Variants in FNDC3A observed in about 807,000 individuals in gnomAD.
The protein encoded by FNDC3A is fibronectin type III domain containing 3A.
A neutral mutation model predicts 148.9 loss-of-function variants in FNDC3A; 32 were observed. That is an observed-to-expected ratio of 0.21 (90% CI 0.16 to 0.29). The LOEUF is 0.29. FNDC3A is among the 10% of genes least tolerant of loss of function. The pLI, the probability that FNDC3A is intolerant of heterozygous loss-of-function variation, is 1.00. For missense variants in FNDC3A, 1,191 were observed against 1,452.8 expected (o/e 0.82, Z 2.93); for synonymous variants, 472 against 473.6 (o/e 1.00, Z 0.04).
intron 8 of FNDC3A, among the ~76,000 whole-genome samples, chr13:49,160,576 G>A (rs1884037179): frequency 2.0e-5 from 3 of 151,816 alleles, no homozygotes; most frequent in African/African-American, 7.3e-5. Context: ...CCAGCTCCTG[G>A]ATTCATTAAT....
intron 6 of FNDC3A, 36 bp from the exon 7 acceptor site, chr13:49,138,711 T>C (rs751785874): frequency 3.7e-6 from 4 of 1,071,162 alleles, no homozygotes; most frequent in Non-Finnish European, 5.4e-6. Flanking sequence ...ATCTAAGTTC[T>C]TTTTTTTAAA....
chr13:49,165,764 A>C (rs758219840), intron 8 of FNDC3A, among the ~76,000 whole-genome samples: 1 of 152,156 alleles, frequency 6.6e-6, no homozygotes, highest in African/African-American at 2.4e-5. Flanking sequence ...TAGCAATGGC[A>C]GGACTAACCT....
intron 2 of FNDC3A, among the ~76,000 whole-genome samples, chr13:49,025,554 G>A (rs763430253): frequency 6.6e-6 from 1 of 152,026 alleles, no homozygotes; most frequent in Non-Finnish European, 1.5e-5. Flanking sequence ...GGCATTTACA[G>A]CTAAAACAGC....
chr13:48,988,995 T>A (rs1951857694), intron 1 of FNDC3A, among the ~76,000 whole-genome samples: 1 of 152,168 alleles, frequency 6.6e-6, no homozygotes, highest in Non-Finnish European at 1.5e-5. Flanking sequence ...CTAAAAAGAT[T>A]GTATATAGAA....
chr13:49,164,397 A>T (rs2138034396), intron 8 of FNDC3A, among the ~76,000 whole-genome samples: 1 of 152,196 alleles, frequency 6.6e-6, no homozygotes, highest in Middle Eastern at 3.4e-3. Flanking sequence ...TTGTATCTAT[A>T]TCTGTTTCAT....
At chr13:49,178,142 TC>T (rs1885122959) in intron 13 of FNDC3A, among the ~76,000 whole-genome samples, 1 of 152,196 alleles carries the variant, frequency 6.6e-6, no homozygotes, top group Admixed American at 6.5e-5. Flanking sequence ...AATTAACCCT[TC>T]AATTATTTAC....
At position 49,168,608 on chromosome 13, in the gene FNDC3A, C is replaced by T; in HGVS notation, c.1038-5C>T. 1 of 1,603,382 alleles carries T rather than the reference C, an allele frequency of 6.2e-7. No individual in the cohort carries two copies. The highest frequency in any genetic ancestry group is 8.5e-7 in the Non-Finnish European group (1 of 1,171,098). On this transcript the variant is annotated splice_region_variant and splice_polypyrimidine_tract_variant and intron_variant, in intron 9 of 25. Transcript: ENST00000492622. Reference sequence around the variant, plus strand: ...AAGGTAAAACTATTTATTTTATCACCATAGAGTCCAGGCAGAATATAATTC... The same window carrying T: ...AAGGTAAAACTATTTATTTTATCACTATAGAGTCCAGGCAGAATATAATTC...
rs1469860336 is a variant in FNDC3A at position 49,131,240 on chromosome 13, T to C, written c.356T>C (p.Leu119Pro). Reference protein sequence around the residue: ...TVLHRSPHPPLPGFIPVPTMM... With the variant: ...TVLHRSPHPPPPGFIPVPTMM... ...CTCCACCGTTCTCCACATCCTCCTC[T>C]ACCTGGTTTCATTCCTGTCCCAACT... Residue 119 changes from leucine to proline, a missense_variant, in exon 5 of 26, where the codon CTA becomes CCA. This residue lies in a region of FNDC3A where 426 missense variants were observed against 473.2 expected (regional missense o/e 0.90). Transcript: ENST00000492622. 1 of 1,614,062 alleles carries C rather than the reference T, an allele frequency of 6.2e-7. No homozygotes were observed. Among genetic ancestry groups the C allele is most frequent in the South Asian group, 1.1e-5 (1 of 91,080 alleles).
chr13:49,048,463 G>A (rs1205244181), intron 2 of FNDC3A, among the ~76,000 whole-genome samples: 3 of 152,032 alleles, frequency 2.0e-5, no homozygotes, highest in African/African-American at 7.2e-5. Flanking sequence ...AGCATGGGAT[G>A]TGTTTCTATT....
intron 4 of FNDC3A, among the ~76,000 whole-genome samples, chr13:49,115,557 C>G (rs1445154729): frequency 6.6e-6 from 1 of 152,092 alleles, no homozygotes; most frequent in Non-Finnish European, 1.5e-5. Flanking sequence ...AAAAGAAGAG[C>G]GTGCTGGGAA....
chr13:49,196,971 G>A lies in FNDC3A; in HGVS notation c.2321G>A (p.Cys774Tyr), dbSNP rs781227945. Residue 774 changes from cysteine (C) to tyrosine (Y), a missense_variant, in exon 20 of 26, where the codon TGT becomes TAT. Physicochemically the swap from Cys to Tyr is radical, Grantham distance 194. Around this residue, in one of 3 missense-constraint regions of FNDC3A, gnomAD observed 751 missense variants for 944.0 expected, o/e 0.80. Transcript: ENST00000492622. Reference protein sequence around the residue: ...PPQVTCRSATCAQVNWEVPLS... With the variant: ...PPQVTCRSATYAQVNWEVPLS... ...CAAGTGACATGTAGATCTGCAACTT[G>A]TGCACAAGTGAATTGGGAGGTATTG... 5.0e-6 allele frequency: 8 copies of A among 1,607,872 alleles called. No individual in the cohort carries two copies. In the South Asian group the frequency reaches 8.8e-5, roughly 18 times the overall value.
chr13:49,183,832 C>CTCATA (rs1885427928), intron 14 of FNDC3A, among the ~76,000 whole-genome samples: 1 of 152,148 alleles, frequency 6.6e-6, no homozygotes, highest in Non-Finnish European at 1.5e-5. Context: ...GGTAGATTTA[C>CTCATA]TCATATCCTT....
At chr13:49,187,289 C>A (rs1210624702) in intron 16 of FNDC3A, 99 bp downstream of exon 16, 7 of 1,022,208 alleles carry the variant, frequency 6.8e-6, no homozygotes, top group Non-Finnish European at 7.3e-6. Flanking sequence ...TTTCTTCTTG[C>A]TTTTCATAAG....
chr13:49,004,587 C>T (rs907684337), intron 1 of FNDC3A, among the ~76,000 whole-genome samples: 11 of 151,948 alleles, frequency 7.2e-5, no homozygotes, highest in African/African-American at 2.7e-4. Context: ...ATCTGTATTT[C>T]TATTTGTAAA....
rs572409214 is a variant in FNDC3A at position 48,991,336 on chromosome 13, A to G, written c.-39-14816A>G. On this transcript the variant is annotated intron_variant, in intron 1 of 25. Transcript: ENST00000492622. ...ATTCTTACCAGAGATAAAGAGGATTATTTCATACTAGTAAAGGGATTAATT... is the reference window on the plus strand; with the variant it reads ...ATTCTTACCAGAGATAAAGAGGATTGTTTCATACTAGTAAAGGGATTAATT... 1.4e-3 allele frequency among the ~76,000 whole-genome samples: 215 copies of G among 152,322 alleles called. 1 individual carries two copies. Among genetic ancestry groups the G allele is most frequent in the Middle Eastern group, 0.01 (3 of 294 alleles).
At position 49,197,882 on chromosome 13, in the gene FNDC3A, T is replaced by C; in HGVS notation, c.2490+8T>C. The C allele has an allele frequency of 6.3e-7, 1 of 1,595,800 alleles. No homozygotes were observed. The highest frequency in any genetic ancestry group is 2.2e-5 in the East Asian group (1 of 44,826). ...TATTATTGCAGGGTCCAGGTAAAGATGATCAGTACCTTGTCACTTAACTCT... is the reference window on the plus strand; with the variant it reads ...TATTATTGCAGGGTCCAGGTAAAGACGATCAGTACCTTGTCACTTAACTCT... On this transcript the variant is annotated splice_region_variant and intron_variant, in intron 21 of 25. Coordinates refer to ENST00000492622, the MANE Select transcript of FNDC3A (RefSeq NM_001079673.2).
intron 8 of FNDC3A, chr13:49,146,157 T>C (rs569044597): frequency 1.5e-5 from 6 of 411,702 alleles, no homozygotes; most frequent in African/African-American, 4.2e-5. Context: ...CACATTCAGC[T>C]TTTTTTTTCC....
intron 4 of FNDC3A, among the ~76,000 whole-genome samples, chr13:49,121,229 C>T (rs953874731): frequency 1.3e-5 from 2 of 152,188 alleles, no homozygotes; most frequent in Non-Finnish European, 2.9e-5. Context: ...ACTGAACAAC[C>T]TGCTCCTGAA....
intron 2 of FNDC3A, among the ~76,000 whole-genome samples, chr13:49,028,233 G>T (rs996892327): frequency 4.0e-5 from 6 of 151,734 alleles, no homozygotes; most frequent in African/African-American, 1.5e-4. Context: ...AAAAATTCAT[G>T]ATTTAACTAT....
Sources: allele counts gnomAD v4.1 joint callset (sites outside exome capture counted in the v4.1 genomes callset), GRCh38; gene constraint gnomAD v4.1.1; regional missense constraint gnomAD v4.1.1; transcripts MANE v1.5; gene names NCBI Gene and HGNC (gene_info 2026-07-23, HGNC 2026-07-21).